YWHAZ: variants seen among roughly 807,000 people sequenced by gnomAD.
YWHAZ encodes 14-3-3 protein zeta/delta.
For missense variants in YWHAZ, 79 were observed against 284.8 expected (o/e 0.28, Z 5.20); for synonymous variants, 87 against 103.6 (o/e 0.84, Z 0.97).
intron 1 of YWHAZ, chr8:100,951,247 G>A (rs1810746158): frequency 3.0e-6 from 3 of 984,962 alleles, no homozygotes; most frequent in Admixed American, 1.2e-4. Flanking sequence ...GGCGGGCGCC[G>A]CCGCGCCAGG....
chr8:100,931,263 T>C (rs893930614), intron 2 of YWHAZ, among the ~76,000 whole-genome samples: 1 of 152,218 alleles, frequency 6.6e-6, no homozygotes, highest in African/African-American at 2.4e-5. Context: ...ACCACATAAA[T>C]TGACAGGTCA....
At chr8:100,933,825 T>C (rs758996530) in intron 2 of YWHAZ, among the ~76,000 whole-genome samples, 1 of 152,032 alleles carries the variant, frequency 6.6e-6, no homozygotes, top group Non-Finnish European at 1.5e-5. Flanking sequence ...CTAAGCAATA[T>C]AGCAAGACCC....
chr8:100,918,444 A>ATATATATATATATATATATATATAT lies in YWHAZ; in HGVS notation c.*2248_*2249insATATATATATATATATATATATATA, dbSNP rs57486163. On this transcript the variant is annotated 3_prime_UTR_variant, in exon 6 of 6. Coordinates refer to ENST00000395958, the MANE Select transcript of YWHAZ (RefSeq NM_145690.3). ...TATATATATATATATATATATATAT[A>ATATATATATATATATATATATATAT]ATTATTTTACCTCCTTGGCTTGGGG... is the stretch of plus-strand genomic sequence containing the variant. 30 of 108,804 alleles carry ATATATATATATATATATATATATAT rather than the reference A, an allele frequency of 2.8e-4. No individual in the cohort carries two copies. Among genetic ancestry groups the ATATATATATATATATATATATATAT allele is most frequent in the Non-Finnish European group, 4.3e-4 (23 of 53,662 alleles). The allele number at this position is 108,804 out of a possible 1,614,324, so 6.7% of individuals were successfully genotyped here. A position where few individuals can be genotyped will look rare whatever the true frequency, so the allele number is the denominator to read the frequency against.
Position 100,948,653 on chromosome 8 carries a change from A to T in YWHAZ, c.237T>A (p.Ala79=). The change falls in exon 2 of 6, where the codon GCT becomes GCA. Residue 79 remains alanine, a synonymous_variant. Coordinates refer to ENST00000395958, the MANE Select transcript of YWHAZ (RefSeq NM_145690.3). The surrounding 1 kb of genome is among the most constrained non-coding windows in gnomAD (Gnocchi z 4.2). ...TCTCAATTTTCTCTCTGTATTCTCG[A>T]GCCATCTGCTGTTTTTTCTCAGCAC... ...TEGAEKKQQM[A]REYREKIETE... 1 of 1,609,564 alleles carries T rather than the reference A, an allele frequency of 6.2e-7. No homozygotes were observed. The highest frequency in any genetic ancestry group is 8.5e-7 in the Non-Finnish European group (1 of 1,179,852).
chr8:100,925,770 T>C (rs1024201658), intron 2 of YWHAZ, among the ~76,000 whole-genome samples: 1 of 152,198 alleles, frequency 6.6e-6, no homozygotes, highest in Non-Finnish European at 1.5e-5. Flanking sequence ...TCTGAGTCAT[T>C]TGATTAGGAT....
In YWHAZ at chr8:100,948,465, T is replaced by G. The variant is rs1027617517; in HGVS notation, c.294+131A>C. On this transcript the variant is annotated intron_variant, in intron 2 of 5. Transcript: ENST00000395958. The surrounding 1 kb of genome is among the most constrained non-coding windows in gnomAD (Gnocchi z 4.2). ...TAACATCTTTTTAGTCATGACACCA[T>G]GAAGACTTTTAAATTTGGAACACAC... 1.2e-5 allele frequency: 12 copies of G among 1,027,226 alleles called. No individual in the cohort carries two copies. The highest frequency in any genetic ancestry group is 1.6e-5 in the African/African-American group (1 of 62,472). The allele number at this position is 1,027,226 out of a possible 1,614,324, so 63.6% of individuals were successfully genotyped here. A position where few individuals can be genotyped will look rare whatever the true frequency, so the allele number is the denominator to read the frequency against.
At chr8:100,946,691 G>A (rs917508332) in intron 2 of YWHAZ, among the ~76,000 whole-genome samples, 7 of 151,880 alleles carry the variant, frequency 4.6e-5, no homozygotes, top group African/African-American at 1.2e-4. Context: ...GCAAATAAGC[G>A]TGTTAGTAAA....
Position 100,951,189 on chromosome 8 carries a change from G to A in YWHAZ, c.-12+740C>T, listed in dbSNP as rs1458307244. The A allele has an allele frequency of 1.1e-5, 11 of 981,406 alleles. No homozygotes were observed. In the African/African-American group the frequency reaches 1.3e-4, roughly 11 times the overall value. The allele number at this position is 981,406 out of a possible 1,614,324, so 60.8% of individuals were successfully genotyped here. A position where few individuals can be genotyped will look rare whatever the true frequency, so the allele number is the denominator to read the frequency against. On this transcript the variant is annotated intron_variant, in intron 1 of 5. Coordinates refer to ENST00000395958, the MANE Select transcript of YWHAZ (RefSeq NM_145690.3). ...GAGCCCCACCCCAAAACCTCACCCC[G>A]CAGTGGACTCCCCTCCCGCCGGCGC...
chr8:100,946,790 T>C (rs1422693077), intron 2 of YWHAZ, among the ~76,000 whole-genome samples: 1 of 147,318 alleles, frequency 6.8e-6, no homozygotes, highest in African/African-American at 2.5e-5. Flanking sequence ...GAAGCCAAAA[T>C]AAAAACTTTT....
intron 2 of YWHAZ, chr8:100,932,082 TCA>T (rs1321410684): frequency 6.6e-6 from 1 of 152,256 alleles, no homozygotes; most frequent in East Asian, 1.9e-4. Context: ...TTCCTGGGTC[TCA>T]GATTCTCATC....
intron 1 of YWHAZ, chr8:100,951,168 C>G: frequency 1.0e-6 from 1 of 985,252 alleles, no homozygotes. Context: ...CCAGGCGAGC[C>G]CCACCCCAAA....
rs2130049091 is a variant in YWHAZ, at chr8:100,918,066, GGC to G, written c.*2625_*2626del. 6.6e-6 allele frequency: 1 copy of G among 152,110 alleles called. No individual in the cohort carries two copies. The highest frequency in any genetic ancestry group is 2.1e-4 in the South Asian group (1 of 4,822). The allele number at this position is 152,110 out of a possible 1,614,324, so 9.4% of individuals were successfully genotyped here. A position where few individuals can be genotyped will look rare whatever the true frequency, so the allele number is the denominator to read the frequency against. ...CTTGAATAATATCACATCTCTACTGGGCGCGGTGGCTTATGCCTGTAATCCCA... is the reference window on the plus strand; with the variant it reads ...CTTGAATAATATCACATCTCTACTGGGCGGTGGCTTATGCCTGTAATCCCA... On this transcript the variant is annotated 3_prime_UTR_variant, in exon 6 of 6. Coordinates refer to ENST00000395958, the MANE Select transcript of YWHAZ (RefSeq NM_145690.3).
At chr8:100,951,261 G>A in intron 1 of YWHAZ, 2 of 984,812 alleles carry the variant, frequency 2.0e-6, no homozygotes, top group Non-Finnish European at 2.4e-6. Flanking sequence ...CGCCAGGCCT[G>A]GGCTCCGGCC....
At chr8:100,934,319 C>A (rs1290742989) in intron 2 of YWHAZ, among the ~76,000 whole-genome samples, 1 of 121,696 alleles carries the variant, frequency 8.2e-6, no homozygotes, top group Non-Finnish European at 1.7e-5. Flanking sequence ...GAGGGAGACC[C>A]TATCTTTTTT....
rs1389648041 is a variant in YWHAZ, at chr8:100,917,755, AC to A, written c.*2937del. ...ACAAAAAAATTCCAGTACTTTACAC[AC>A]AAAAAGTCATTGGATTTTCCAATTT... is the stretch of plus-strand genomic sequence containing the variant. On this transcript the variant is annotated 3_prime_UTR_variant, in exon 6 of 6. Coordinates refer to ENST00000395958, the MANE Select transcript of YWHAZ (RefSeq NM_145690.3). The A allele has an allele frequency of 2.0e-5, 3 of 152,174 alleles. No individual in the cohort carries two copies. Among genetic ancestry groups the A allele is most frequent in the Non-Finnish European group, 4.4e-5 (3 of 68,032 alleles). 9.4% of individuals were successfully genotyped at this position (152,174 alleles called of 1,614,324 possible).
upstream of YWHAZ, chr8:100,952,028 C>G (rs1298469035): frequency 2.0e-6 from 2 of 993,944 alleles, no homozygotes; most frequent in African/African-American, 3.5e-5. Context: ...GTCCCTGGAT[C>G]TCGCTGCTCA....
chr8:100,938,998 A>C (rs908786068), intron 2 of YWHAZ, among the ~76,000 whole-genome samples: 3 of 152,268 alleles, frequency 2.0e-5, no homozygotes, highest in Non-Finnish European at 4.4e-5. Context: ...GCTTGTGCCT[A>C]ATCACTTAAC....
intron 2 of YWHAZ, among the ~76,000 whole-genome samples, chr8:100,946,407 G>A (rs972315656): frequency 6.6e-6 from 1 of 152,098 alleles, no homozygotes; most frequent in Non-Finnish European, 1.5e-5. Flanking sequence ...AAAATTAGCT[G>A]GGCGTGCTGG....
At chr8:100,926,942 G>A (rs934718345) in intron 2 of YWHAZ, among the ~76,000 whole-genome samples, 9 of 152,198 alleles carry the variant, frequency 5.9e-5, no homozygotes, top group Admixed American at 2.0e-4. Context: ...AACTATGGGA[G>A]ATGGTATAAA....
Sources: gnomAD v4.1 joint callset for allele counts (sites outside exome capture counted in the v4.1 genomes callset) on GRCh38, gnomAD v4.1.1 for gene constraint, Gnocchi (gnomAD v3.1) non-coding constraint, MANE v1.5 for transcripts, NCBI Gene and HGNC (gene_info 2026-07-23, HGNC 2026-07-21) for gene names.